ARHGAP29: variants seen among roughly 807,000 people sequenced by gnomAD.
ARHGAP29 encodes Rho GTPase activating protein 29.
A neutral mutation model predicts 122.6 loss-of-function variants in ARHGAP29; 43 were observed. That is an observed-to-expected ratio of 0.35 (90% CI 0.27 to 0.45). The LOEUF (loss-of-function observed/expected upper bound fraction) is 0.45. ARHGAP29 is among the 20% of genes least tolerant of loss of function. The pLI is 1.00. For missense variants in ARHGAP29, 1,303 were observed against 1,477.2 expected (o/e 0.88, Z 1.93); for synonymous variants, 506 against 497.1 (o/e 1.02, Z -0.24).
chr1:94,269,428 A>AT (rs1465387141), intron 1 of ARHGAP29, among the ~76,000 whole-genome samples: 1 of 152,208 alleles, frequency 6.6e-6, no homozygotes, highest in African/African-American at 2.4e-5. Flanking sequence ...GGAGATACTA[A>AT]TAGTCTGTAA....
At position 94,189,221 on chromosome 1, in the gene ARHGAP29, A is replaced by G. The variant is rs372270954; in HGVS notation, c.1571T>C (p.Ile524Thr). The G allele has an allele frequency of 7.0e-5, 112 of 1,606,992 alleles. No individual in the cohort carries two copies. The highest frequency in any genetic ancestry group is 1.7e-4 in the Middle Eastern group (1 of 6,036). The change falls in exon 14 of 23, where the codon ATA (isoleucine) becomes ACA (threonine). Residue 524 changes from isoleucine to threonine, a missense_variant. Transcript: ENST00000260526. ...TCTTTAGGGTGGAAAACTACCTGTTATATCTGCACTGTTAGAGCATCTGTC... is the reference window on the plus strand; with the variant it reads ...TCTTTAGGGTGGAAAACTACCTGTTGTATCTGCACTGTTAGAGCATCTGTC... The part of the protein sequence containing the change: ...EEDRCSNSAD[I>T]TGPSFIRSWT...
chr1:94,200,612 T>C (rs1487291194), intron 12 of ARHGAP29, among the ~76,000 whole-genome samples: 2 of 152,212 alleles, frequency 1.3e-5, no homozygotes, highest in Non-Finnish European at 2.9e-5. Flanking sequence ...GCGGCTCTAT[T>C]CATAATCACC....
Position 94,237,405 on chromosome 1 carries a change from TCA to T in ARHGAP29, c.-33+8_-33+9del. The T allele has an allele frequency of 1.8e-5, 18 of 986,014 alleles. No individual in the cohort carries two copies. Among genetic ancestry groups the T allele is most frequent in the Non-Finnish European group, 2.0e-5 (17 of 830,460 alleles). 61.1% of individuals were successfully genotyped at this position (986,014 alleles called of 1,614,324 possible). On this transcript the variant is annotated splice_region_variant and intron_variant, in intron 1 of 22. Coordinates refer to ENST00000260526, the MANE Select transcript of ARHGAP29 (RefSeq NM_004815.4). Reference sequence around the variant, plus strand: ...CGCGGCCGGAGCAAGCGCCACCTCCTCACACTCACCACGGCGCTCCATCTCGC... The same window carrying T: ...CGCGGCCGGAGCAAGCGCCACCTCCTCACTCACCACGGCGCTCCATCTCGC...
intron 1 of ARHGAP29, among the ~76,000 whole-genome samples, chr1:94,264,581 C>T (rs1654689069): frequency 6.6e-6 from 1 of 152,120 alleles, no homozygotes; most frequent in Admixed American, 6.5e-5. Flanking sequence ...TCAGGGGAGT[C>T]CCATCCTATG....
At chr1:94,297,651 C>G in the ARHGAP29 span, among the ~76,000 whole-genome samples, 1 of 152,054 alleles carries the variant, frequency 6.6e-6, no homozygotes, top group South Asian at 2.1e-4. Flanking sequence ...GAGTTACGCT[C>G]GTCAGTCACC....
At position 94,203,991 on chromosome 1, in the gene ARHGAP29, A is replaced by G. The variant is rs1330827428; in HGVS notation, c.701T>C (p.Leu234Ser). 1.2e-6 allele frequency: 2 copies of G among 1,613,674 alleles called. No individual in the cohort carries two copies. The highest frequency in any genetic ancestry group is 1.7e-6 in the Non-Finnish European group (2 of 1,179,782). ...CTTGACCATATTTCTAGTGGACTCC[A>G]ATTCTGAAAAGTTCAAAGAGGGTAT... ...SWVEKKLNLE[L>S]ESTRNMVKLA... Residue 234 changes from leucine to serine, a missense_variant, in exon 8 of 23, where the codon TTG becomes TCG. Leu to Ser is a moderately radical substitution (Grantham distance 145). Coordinates refer to ENST00000260526, the MANE Select transcript of ARHGAP29 (RefSeq NM_004815.4).
At chr1:94,195,920 G>C (rs954270148) in intron 12 of ARHGAP29, 1 of 152,076 alleles carries the variant, frequency 6.6e-6, no homozygotes, top group Non-Finnish European at 1.5e-5. Context: ...CACATTTCTA[G>C]GGATAAAAGG....
At position 94,172,629 on chromosome 1, in the gene ARHGAP29, A is replaced by ATATATATG. The variant is rs1648815095; in HGVS notation, c.*1239_*1240insCATATATA. 1 of 150,388 alleles carries ATATATATG rather than the reference A, an allele frequency of 6.6e-6. No homozygotes were observed. The allele number at this position is 150,388 out of a possible 1,614,324, so 9.3% of individuals were successfully genotyped here. ...AACAAGTTGATATATATATATATATATATTATCAAGTATAACACAGTCATA... is the reference window on the plus strand; with the variant it reads ...AACAAGTTGATATATATATATATATATATATATGTATTATCAAGTATAACACAGTCATA... On this transcript the variant is annotated 3_prime_UTR_variant, in exon 23 of 23. Coordinates refer to ENST00000260526, the MANE Select transcript of ARHGAP29 (RefSeq NM_004815.4).
Position 94,179,945 on chromosome 1 carries a change from A to T in ARHGAP29, c.2260T>A (p.Phe754Ile). Residue 754 changes from phenylalanine (F) to isoleucine (I), a missense_variant, in exon 20 of 23, where the codon TTT (phenylalanine) becomes ATT (isoleucine). Transcript: ENST00000260526. ...KLYLRQLPEP[F>I]ILFRLYKEFI... ...TCCTTGTACAATCGAAATAAAATAA[A>T]TGGTTCTGGGAGCTAAAGAAATAAA... 1 of 1,602,814 alleles carries T rather than the reference A, an allele frequency of 6.2e-7. No individual in the cohort carries two copies. Among genetic ancestry groups the T allele is most frequent in the Non-Finnish European group, 8.5e-7 (1 of 1,176,506 alleles).
rs531175127 is a variant in ARHGAP29, at chr1:94,194,917, C to T, written c.1282-4834G>A. The T allele has an allele frequency of 1.5e-4, 23 of 152,088 alleles. No homozygotes were observed. In the East Asian group the frequency reaches 2.1e-3, roughly 14 times the overall value. 9.4% of individuals were successfully genotyped at this position (152,088 alleles called of 1,614,324 possible). On this transcript the variant is annotated intron_variant, in intron 12 of 22. Transcript: ENST00000260526. ...CAAACACATTTTTTCATTGGTCAAG[C>T]GATGTAGTTTTACATTTAGCTTCAC...
intron 1 of ARHGAP29, among the ~76,000 whole-genome samples, chr1:94,232,535 A>T (rs1412373375): frequency 6.6e-6 from 1 of 152,144 alleles, no homozygotes; most frequent in East Asian, 1.9e-4. Context: ...GTAAAAAGGT[A>T]ATCTTTTGGT....
chr1:94,224,891 C>A (rs1401963658), intron 2 of ARHGAP29, among the ~76,000 whole-genome samples: 1 of 152,062 alleles, frequency 6.6e-6, no homozygotes, highest in Admixed American at 6.6e-5. Context: ...AAAATAGCAT[C>A]AGAATTATTT....
intron 4 of ARHGAP29, 35 bp downstream of exon 4, chr1:94,209,219 G>A (rs777597696): frequency 2.1e-6 from 3 of 1,416,962 alleles, no homozygotes; most frequent in Non-Finnish European, 2.0e-6. Context: ...AAGACACCTA[G>A]GACTAGTTGC....
Position 94,231,752 on chromosome 1 carries a change from C to T in ARHGAP29, c.-32-109G>A. Reference sequence around the variant, plus strand: ...CTAGATTTTCACAAACAGCCCACAGCTCACCTTGGTATCCTATTTTTAAAT... The same window carrying T: ...CTAGATTTTCACAAACAGCCCACAGTTCACCTTGGTATCCTATTTTTAAAT... On this transcript the variant is annotated intron_variant, in intron 1 of 22. Transcript: ENST00000260526. 5.3e-6 allele frequency: 4 copies of T among 749,722 alleles called. No homozygotes were observed. In the South Asian group the frequency reaches 5.7e-5, roughly 11 times the overall value. The allele number at this position is 749,722 out of a possible 1,614,324, so 46.4% of individuals were successfully genotyped here.
intron 1 of ARHGAP29, among the ~76,000 whole-genome samples, chr1:94,262,596 T>C (rs1353785035): frequency 6.6e-6 from 1 of 151,962 alleles, no homozygotes; most frequent in Non-Finnish European, 1.5e-5. Context: ...GCAAAGAACA[T>C]GAGCAGACAT....
At chr1:94,190,265 G>C in intron 12 of ARHGAP29, 182 bp from the exon 13 acceptor site, 2 of 554,906 alleles carry the variant, frequency 3.6e-6, no homozygotes, top group South Asian at 4.3e-5. Context: ...GAGAAAAGCA[G>C]TTTGAATCTA....
intron 1 of ARHGAP29, among the ~76,000 whole-genome samples, chr1:94,257,424 T>C (rs1019419147): frequency 6.6e-6 from 1 of 151,908 alleles, no homozygotes; most frequent in Non-Finnish European, 1.5e-5. Context: ...AAAAAGAATC[T>C]TGGCTGGGCA....
intron 1 of ARHGAP29, among the ~76,000 whole-genome samples, chr1:94,263,433 T>G (rs1654638820): frequency 6.6e-6 from 1 of 152,130 alleles, no homozygotes; most frequent in Non-Finnish European, 1.5e-5. Context: ...CATCTGGTTT[T>G]CATCTGCAAT....
Position 94,184,924 on chromosome 1 carries a change from A to C in ARHGAP29, c.2057T>G (p.Phe686Cys), listed in dbSNP as rs1649703546. The C allele has an allele frequency of 6.2e-7, 1 of 1,613,184 alleles. No homozygotes were observed. The highest frequency in any genetic ancestry group is 1.3e-5 in the African/African-American group (1 of 74,862). Residue 686 changes from phenylalanine to cysteine, a missense_variant, in exon 18 of 23, where the codon TTT (phenylalanine) becomes TGT (cysteine). Around this residue, in one of 3 missense-constraint regions of ARHGAP29, gnomAD observed 91 missense variants for 177.8 expected, o/e 0.51. Coordinates refer to ENST00000260526, the MANE Select transcript of ARHGAP29 (RefSeq NM_004815.4). Reference protein sequence around the residue: ...VAKKEPDGIPFILKICASEIE... With the variant: ...VAKKEPDGIPCILKICASEIE... Reference sequence around the variant, plus strand: ...CTCTGAGGCACATATTTTGAGTATAAAAGGGATACCATCTGGTTCCTTTTT... The same window carrying C: ...CTCTGAGGCACATATTTTGAGTATACAAGGGATACCATCTGGTTCCTTTTT...
Sources: gnomAD v4.1 joint callset for allele counts (sites outside exome capture counted in the v4.1 genomes callset) on GRCh38, gnomAD v4.1.1 for gene constraint, gnomAD v4.1.1 regional missense constraint, MANE v1.5 for transcripts, NCBI Gene and HGNC (gene_info 2026-07-23, HGNC 2026-07-21) for gene names.